CYP7B1: variants seen among roughly 807,000 people sequenced by gnomAD.
CYP7B1 encodes cytochrome P450 family 7 subfamily B member 1.
CYP7B1 carries 29 observed loss-of-function variants against 42.7 expected under a neutral mutation model. That is an observed-to-expected ratio of 0.68 (90% confidence interval 0.51 to 0.93). CYP7B1 has a LOEUF of 0.93. Among genes scored for constraint, CYP7B1 ranks in the 40% least tolerant of loss-of-function variants. The pLI is 0.00. For synonymous variants in CYP7B1, 235 were observed against 218.2 expected (o/e 1.08, Z -0.68); for missense variants, 655 against 600.5 (o/e 1.09, Z -0.95).
At chr8:64,765,601 G>T (rs961175971) in intron 1 of CYP7B1, among the ~76,000 whole-genome samples, 4 of 152,194 alleles carry the variant, frequency 2.6e-5, no homozygotes, top group African/African-American at 7.2e-5. Flanking sequence ...AGGGGTGCAG[G>T]ACTGCTACAT....
chr8:64,624,593 A>G, intron 1 of CYP7B1, 54 bp from the exon 2 acceptor site: 5 of 1,598,422 alleles, frequency 3.1e-6, no homozygotes, highest in Non-Finnish European at 4.3e-6. Context: ...AATCATTCTT[A>G]TTCGAATACA....
intron 1 of CYP7B1, among the ~76,000 whole-genome samples, chr8:64,656,810 T>C (rs1462810515): frequency 6.6e-6 from 1 of 152,218 alleles, no homozygotes; most frequent in Non-Finnish European, 1.5e-5. Flanking sequence ...AGTTTTATAA[T>C]AACGTGATGT....
chr8:64,798,450 C>A lies in CYP7B1; in HGVS notation c.122+16G>T, dbSNP rs895937485. The A allele has an allele frequency of 2.4e-5, 36 of 1,506,624 alleles. No homozygotes were observed. Among genetic ancestry groups the A allele is most frequent in the Non-Finnish European group, 3.0e-5 (34 of 1,136,436 alleles). The allele number at this position is 1,506,624 out of a possible 1,614,324, so 93.3% of individuals were successfully genotyped here. ...GGCCCAGGGCGCATGCGTGGCCTGG[C>A]GGCCGAGGCGCTTACCTGGTGCGCC... On this transcript the variant is annotated intron_variant, in intron 1 of 5. Coordinates refer to ENST00000310193, the MANE Select transcript of CYP7B1 (RefSeq NM_004820.5).
chr8:64,643,136 T>TAC (rs1805887503), intron 1 of CYP7B1, among the ~76,000 whole-genome samples: 1 of 124,580 alleles, frequency 8.0e-6, no homozygotes, highest in Non-Finnish European at 1.6e-5. Context: ...TACATATATA[T>TAC]ACATATATAC....
downstream of CYP7B1, among the ~76,000 whole-genome samples, chr8:64,589,297 T>C (rs1805005739): frequency 6.6e-6 from 1 of 152,212 alleles, no homozygotes. Flanking sequence ...TCTGCAAGCA[T>C]TGTTTAGTCC....
chr8:64,730,848 C>T (rs559326587), intron 1 of CYP7B1, among the ~76,000 whole-genome samples: 2 of 151,868 alleles, frequency 1.3e-5, no homozygotes, highest in Non-Finnish European at 2.9e-5. Context: ...GAATTGTAAT[C>T]CCCACATACT....
intron 1 of CYP7B1, among the ~76,000 whole-genome samples, chr8:64,668,675 T>C (rs979938196): frequency 1.3e-5 from 2 of 150,846 alleles, no homozygotes; most frequent in Non-Finnish European, 3.0e-5. Flanking sequence ...TTTGGTTTGT[T>C]TTTTTTTAAA....
chr8:64,634,017 C>T (rs1805734316), intron 1 of CYP7B1, among the ~76,000 whole-genome samples: 1 of 152,132 alleles, frequency 6.6e-6, no homozygotes, highest in Admixed American at 6.5e-5. Context: ...GTATATGTTA[C>T]TTTAAGATGT....
intron 3 of CYP7B1, 95 bp downstream of exon 3, chr8:64,615,596 T>C (rs1054696208): frequency 1.2e-5 from 14 of 1,179,608 alleles, no homozygotes; most frequent in Non-Finnish European, 1.6e-5. Flanking sequence ...AGAAAGAGCA[T>C]AAAAAATTTT....
chr8:64,699,424 T>C (rs922438909), intron 1 of CYP7B1, among the ~76,000 whole-genome samples: 1 of 152,092 alleles, frequency 6.6e-6, no homozygotes, highest in African/African-American at 2.4e-5. Context: ...ATCATCCAAA[T>C]GTTCCAAAAA....
At chr8:64,782,935 A>C (rs1226172575) in intron 1 of CYP7B1, among the ~76,000 whole-genome samples, 1 of 152,192 alleles carries the variant, frequency 6.6e-6, no homozygotes, top group Non-Finnish European at 1.5e-5. Flanking sequence ...CAAGCCAGAA[A>C]TCTGTCTCAA....
chr8:64,606,858 T>G (rs996211406), intron 4 of CYP7B1, among the ~76,000 whole-genome samples: 4 of 152,162 alleles, frequency 2.6e-5, no homozygotes, highest in African/African-American at 9.7e-5. Flanking sequence ...CTCTGCAGAA[T>G]AACATCCAGA....
rs968987663 is a variant in CYP7B1, at chr8:64,593,478, C to T, written c.*3164G>A. Among the ~76,000 whole-genome samples the T allele has an allele frequency of 6.6e-6, 1 of 152,108 alleles. No individual in the cohort carries two copies. Among genetic ancestry groups the T allele is most frequent in the African/African-American group, 2.4e-5 (1 of 41,418 alleles). ...CTGTCTATTCCTAATAAAATGGTTGCATTCTACCTGATTTAGGGCTAGAAA... is the reference window on the plus strand; with the variant it reads ...CTGTCTATTCCTAATAAAATGGTTGTATTCTACCTGATTTAGGGCTAGAAA... On this transcript the variant is annotated 3_prime_UTR_variant, in exon 6 of 6. Coordinates refer to ENST00000310193, the MANE Select transcript of CYP7B1 (RefSeq NM_004820.5).
chr8:64,597,079 T>C (rs902154413), intron 5 of CYP7B1, 150 bp from the exon 6 acceptor site: 27 of 628,794 alleles, frequency 4.3e-5, no homozygotes, highest in Non-Finnish European at 6.8e-5. Context: ...AAATTAAGCA[T>C]GAACTTTCAA....
intron 1 of CYP7B1, among the ~76,000 whole-genome samples, chr8:64,643,499 G>T (rs951870092): frequency 2.6e-5 from 4 of 152,154 alleles, no homozygotes; most frequent in African/African-American, 7.2e-5. Flanking sequence ...GTCTTGCCTC[G>T]ATGTTGATGA....
intron 1 of CYP7B1, among the ~76,000 whole-genome samples, chr8:64,643,597 A>G (rs927520860): frequency 3.3e-5 from 5 of 152,120 alleles, no homozygotes; most frequent in Non-Finnish European, 7.4e-5. Context: ...TGTCGCATCA[A>G]TTGACTCTTC....
At position 64,616,082 on chromosome 8, in the gene CYP7B1, G is replaced by T. The variant is rs1312873160; in HGVS notation, c.459C>A (p.Leu153=). The T allele has an allele frequency of 6.2e-7, 1 of 1,613,742 alleles. No homozygotes were observed. Among genetic ancestry groups the T allele is most frequent in the Non-Finnish European group, 8.5e-7 (1 of 1,179,818 alleles). The change falls in exon 3 of 6, where the codon CTC becomes CTA. Residue 153 remains leucine (L), a synonymous_variant. Coordinates refer to ENST00000310193, the MANE Select transcript of CYP7B1 (RefSeq NM_004820.5). Reference sequence around the variant, plus strand: ...TTAGATTCTGCATCATGCTTTCCAAGAGTATGTCCAAAGATTTGCCTTGCA... The same window carrying T: ...TTAGATTCTGCATCATGCTTTCCAATAGTATGTCCAAAGATTTGCCTTGCA... ...QFLQGKSLDI[L]LESMMQNLKQ... is the part of the protein sequence containing the mutation.
At chr8:64,743,212 T>A (rs1212589593) in intron 1 of CYP7B1, among the ~76,000 whole-genome samples, 1 of 152,190 alleles carries the variant, frequency 6.6e-6, no homozygotes, top group Non-Finnish European at 1.5e-5. Flanking sequence ...AGAGGGCTCC[T>A]GGACATTCAC....
chr8:64,597,026 C>T, intron 5 of CYP7B1, 97 bp from the exon 6 acceptor site: 1 of 1,102,420 alleles, frequency 9.1e-7, no homozygotes, highest in Non-Finnish European at 1.2e-6. Flanking sequence ...TCTTAAAAAG[C>T]TCCTTTTAAT....
Sources: allele counts gnomAD v4.1 joint callset (sites outside exome capture counted in the v4.1 genomes callset), GRCh38; gene constraint gnomAD v4.1.1; transcripts MANE v1.5; gene names NCBI Gene and HGNC (gene_info 2026-07-23, HGNC 2026-07-21).